CNTNAP2: variants seen among roughly 807,000 people sequenced by gnomAD.
CNTNAP2 encodes contactin-associated protein-like 2.
A neutral mutation model predicts 155.2 loss-of-function variants in CNTNAP2; 98 were observed. The ratio of observed to expected loss-of-function variants is 0.63; its 90% CI spans 0.54 to 0.75. CNTNAP2 has a LOEUF of 0.75. Among genes scored for constraint, CNTNAP2 ranks in the 30% least tolerant of loss-of-function variants. The pLI is 0.00. For missense variants in CNTNAP2, 1,727 were observed against 1,688.1 expected, an observed-to-expected ratio of 1.02 and a Z score of -0.40; for synonymous variants, 651 against 631.2, an observed-to-expected ratio of 1.03 and a Z score of -0.47.
chr7:146,957,745 C>T (rs55788090), intron 3 of CNTNAP2, among the ~76,000 whole-genome samples: 3 of 152,064 alleles, frequency 2.0e-5, no homozygotes, highest in African/African-American at 7.2e-5. Flanking sequence ...ATCAAAACAT[C>T]TCATGTACTC....
intron 1 of CNTNAP2, among the ~76,000 whole-genome samples, chr7:146,222,791 G>A (rs570212451): frequency 2.4e-3 from 363 of 151,888 alleles, no homozygotes; most frequent in Non-Finnish European, 3.7e-3. Flanking sequence ...AAGTAGCTGG[G>A]ACTACAGGCG....
At chr7:147,227,465 G>A (rs942687874) in intron 8 of CNTNAP2, among the ~76,000 whole-genome samples, 9 of 152,132 alleles carry the variant, frequency 5.9e-5, no homozygotes, top group Non-Finnish European at 1.3e-4. Flanking sequence ...TGATAGGAAA[G>A]CAAGTTGAAA....
At chr7:146,512,398 A>G (rs773578111) in intron 1 of CNTNAP2, among the ~76,000 whole-genome samples, 2 of 151,600 alleles carry the variant, frequency 1.3e-5, no homozygotes, top group Non-Finnish European at 3.0e-5. Flanking sequence ...TTGAAGCTTT[A>G]CCACTTTTTT....
At chr7:147,763,440 G>A (rs1797338771) in intron 13 of CNTNAP2, among the ~76,000 whole-genome samples, 1 of 150,898 alleles carries the variant, frequency 6.6e-6, no homozygotes, top group Non-Finnish European at 1.5e-5. Flanking sequence ...TTTGGAGACG[G>A]AAGTGGCAGT....
intron 13 of CNTNAP2, among the ~76,000 whole-genome samples, chr7:147,864,099 T>A (rs9768475): frequency 0.051 from 7,712 of 152,018 alleles, 650 homozygotes; most frequent in African/African-American, 0.18. Context: ...TGAATTAATT[T>A]TTGTATATGA....
At chr7:146,642,798 C>T (rs1360460261) in intron 1 of CNTNAP2, among the ~76,000 whole-genome samples, 1 of 151,804 alleles carries the variant, frequency 6.6e-6, no homozygotes, top group Admixed American at 6.6e-5. Flanking sequence ...GTTCCTATTT[C>T]TCCACATCCT....
intron 21 of CNTNAP2, among the ~76,000 whole-genome samples, chr7:148,296,472 G>C (rs1178489439): frequency 6.9e-6 from 1 of 145,494 alleles, no homozygotes; most frequent in Non-Finnish European, 1.5e-5. Context: ...GCTTGCACCC[G>C]GGGGTGGAGT....
intron 1 of CNTNAP2, among the ~76,000 whole-genome samples, chr7:146,664,272 G>A (rs1308157533): frequency 2.0e-5 from 3 of 146,568 alleles, no homozygotes; most frequent in East Asian, 2.0e-4. Context: ...AGTGATTCTC[G>A]TGCCTCATCT....
At chr7:147,293,059 C>T (rs150921540) in intron 8 of CNTNAP2, among the ~76,000 whole-genome samples, 1 of 152,296 alleles carries the variant, frequency 6.6e-6, no homozygotes, top group East Asian at 1.9e-4. Flanking sequence ...TAAGCCACCA[C>T]ACCCAGCTAT....
intron 21 of CNTNAP2, among the ~76,000 whole-genome samples, chr7:148,359,723 A>G (rs1298112200): frequency 6.6e-6 from 1 of 152,244 alleles, no homozygotes; most frequent in African/African-American, 2.4e-5. Flanking sequence ...CTTTTGCTGT[A>G]TAAATTTTAA....
intron 12 of CNTNAP2, among the ~76,000 whole-genome samples, chr7:147,564,523 C>T (rs1800128763): frequency 6.6e-6 from 1 of 152,056 alleles, no homozygotes; most frequent in Non-Finnish European, 1.5e-5. Context: ...CTATTCTTAA[C>T]CTCAAGGGAA....
chr7:147,296,346 A>G (rs903511875), intron 8 of CNTNAP2, among the ~76,000 whole-genome samples: 3 of 152,238 alleles, frequency 2.0e-5, no homozygotes, highest in Admixed American at 2.0e-4. Flanking sequence ...CAGTGCATCA[A>G]TTCCTTGGGA....
chr7:147,684,591 A>C (rs1056491829), intron 13 of CNTNAP2, among the ~76,000 whole-genome samples: 6 of 151,904 alleles, frequency 3.9e-5, no homozygotes, highest in Non-Finnish European at 7.4e-5. Flanking sequence ...AAGTTCCAAT[A>C]GAATAATCGT....
At chr7:146,831,343 C>G (rs1389238893) in intron 2 of CNTNAP2, among the ~76,000 whole-genome samples, 2 of 151,920 alleles carry the variant, frequency 1.3e-5, no homozygotes, top group East Asian at 1.9e-4. Flanking sequence ...ATGGATAATG[C>G]CAGTCCTTGG....
chr7:146,411,735 G>C (rs1283980247), intron 1 of CNTNAP2, among the ~76,000 whole-genome samples: 1 of 152,144 alleles, frequency 6.6e-6, no homozygotes, highest in African/African-American at 2.4e-5. Context: ...ATAATATAAA[G>C]TCAGTTTTAA....
chr7:146,771,474 G>A (rs1802291949), intron 1 of CNTNAP2, among the ~76,000 whole-genome samples: 1 of 152,152 alleles, frequency 6.6e-6, no homozygotes, highest in African/African-American at 2.4e-5. Context: ...TGTGCTCACA[G>A]CTAAACAGAA....
intron 1 of CNTNAP2, among the ~76,000 whole-genome samples, chr7:146,187,225 A>G (rs1317285869): frequency 6.6e-6 from 1 of 152,218 alleles, no homozygotes; most frequent in African/African-American, 2.4e-5. Context: ...TGTGAGTAGA[A>G]CATGAAAGAA....
At chr7:146,859,902 A>G (rs1795066052) in intron 3 of CNTNAP2, among the ~76,000 whole-genome samples, 1 of 152,164 alleles carries the variant, frequency 6.6e-6, no homozygotes, top group African/African-American at 2.4e-5. Context: ...AATATGAAAG[A>G]GAAAAATTTA....
Position 147,982,306 on chromosome 7 carries a change from T to TAA in CNTNAP2, c.2383+4325_2383+4326dup, listed in dbSNP as rs35289072. On this transcript the variant is annotated intron_variant, in intron 15 of 23. Coordinates refer to ENST00000361727, the MANE Select transcript of CNTNAP2 (RefSeq NM_014141.6). ...GTTTGTCAGAACCATAGGAAAGGTT[T>TAA]AAAAAAAAATCAAATGTTTTCAGTA... Among the ~76,000 whole-genome samples the TAA allele has an allele frequency of 6.5e-4, 98 of 151,530 alleles. 1 individual carries two copies. Among genetic ancestry groups the TAA allele is most frequent in the Non-Finnish European group, 9.6e-4 (65 of 67,896 alleles).
Sources: allele counts gnomAD v4.1 joint callset (sites outside exome capture counted in the v4.1 genomes callset), GRCh38; gene constraint gnomAD v4.1.1; transcripts MANE v1.5; gene names NCBI Gene and HGNC (gene_info 2026-07-23, HGNC 2026-07-21).